Variants in PLA2G4A observed in about 807,000 individuals in gnomAD.
PLA2G4A encodes the protein cytosolic phospholipase A2.
A neutral mutation model predicts 81.9 loss-of-function variants in PLA2G4A; 40 were observed. The ratio of observed to expected loss-of-function variants is 0.49; its 90% CI spans 0.38 to 0.64. The LOEUF (loss-of-function observed/expected upper bound fraction) is 0.64. PLA2G4A is among the 30% of genes least tolerant of loss of function. PLA2G4A has a pLI of 0.00. For synonymous variants in PLA2G4A, 302 were observed against 296.9 expected, an observed-to-expected ratio of 1.02 and a Z score of -0.18; for missense variants, 715 against 905.1, an observed-to-expected ratio of 0.79 and a Z score of 2.69.
intron 7 of PLA2G4A, among the ~76,000 whole-genome samples, chr1:186,926,733 GT>G (rs1296630221): frequency 6.6e-6 from 1 of 152,150 alleles, no homozygotes; most frequent in African/African-American, 2.4e-5. Flanking sequence ...TGGGAACATT[GT>G]TTTACCTTTG....
intron 14 of PLA2G4A, among the ~76,000 whole-genome samples, chr1:186,958,924 C>A (rs6671076): frequency 0.96 from 145,898 of 152,276 alleles, 69,936 homozygotes; most frequent in East Asian, 1. Context: ...ATTTATATAT[C>A]ATTCTTGCAG....
At chr1:186,962,834 A>G (rs2102271911) in intron 14 of PLA2G4A, among the ~76,000 whole-genome samples, 1 of 151,818 alleles carries the variant, frequency 6.6e-6, no homozygotes, top group African/African-American at 2.4e-5. Context: ...TTGTGTTATT[A>G]TTTTTTATAC....
At chr1:186,945,712 CAAG>C (rs1293409254) in intron 10 of PLA2G4A, among the ~76,000 whole-genome samples, 1 of 152,176 alleles carries the variant, frequency 6.6e-6, no homozygotes, top group Admixed American at 6.5e-5. Context: ...CATTTACCAA[CAAG>C]AAGAAGAATG....
At chr1:186,894,793 T>C (rs1313390666) in intron 5 of PLA2G4A, among the ~76,000 whole-genome samples, 1 of 152,222 alleles carries the variant, frequency 6.6e-6, no homozygotes, top group East Asian at 1.9e-4. Flanking sequence ...TGATAGTTTA[T>C]TTTGGAATAA....
Position 186,915,511 on chromosome 1 carries a change from A to ATTT in PLA2G4A, c.558+4122_558+4123insTTT, listed in dbSNP as rs1655105622. 5.9e-5 allele frequency among the ~76,000 whole-genome samples: 9 copies of ATTT among 152,256 alleles called. No homozygotes were observed. The South Asian group carries it at 1.9e-3, about 32-fold the overall frequency. On this transcript the variant is annotated intron_variant, in intron 7 of 17. Transcript: ENST00000367466. ...ATTCATTATCTTTCTAATTTTTTAT[A>ATTT]GCTATGCTTCTCTTTTCACGGAAAG...
At chr1:186,915,340 T>C (rs1286018652) in intron 7 of PLA2G4A, among the ~76,000 whole-genome samples, 1 of 152,160 alleles carries the variant, frequency 6.6e-6, no homozygotes, top group Non-Finnish European at 1.5e-5. Context: ...TAGTCAAGGC[T>C]CTGCCGGTTT....
chr1:186,895,916 A>G (rs141718341), intron 5 of PLA2G4A, among the ~76,000 whole-genome samples: 237 of 152,250 alleles, frequency 1.6e-3, no homozygotes, highest in African/African-American at 5.5e-3. Flanking sequence ...TAAAATGGAA[A>G]TAATATTTTC....
intron 3 of PLA2G4A, among the ~76,000 whole-genome samples, chr1:186,891,310 T>A (rs1654129524): frequency 6.6e-6 from 1 of 152,200 alleles, no homozygotes; most frequent in Non-Finnish European, 1.5e-5. Flanking sequence ...AATAATCCAA[T>A]TACACTCTTT....
At chr1:186,961,555 A>G (rs1656947035) in intron 14 of PLA2G4A, among the ~76,000 whole-genome samples, 1 of 152,214 alleles carries the variant, frequency 6.6e-6, no homozygotes, top group African/African-American at 2.4e-5. Context: ...GAAGGTGGAA[A>G]CAATGGTGTT....
chr1:186,894,263 T>G, intron 5 of PLA2G4A, 52 bp downstream of exon 5: 2 of 793,222 alleles, frequency 2.5e-6, no homozygotes, highest in Non-Finnish European at 4.6e-6. Flanking sequence ...TAAAGTCTAT[T>G]GATTCTGGGA....
intron 10 of PLA2G4A, among the ~76,000 whole-genome samples, chr1:186,943,263 A>G (rs1241116929): frequency 6.6e-6 from 1 of 152,192 alleles, no homozygotes; most frequent in East Asian, 1.9e-4. Flanking sequence ...ACAAATAAAC[A>G]TTGGTGTTTA....
intron 5 of PLA2G4A, among the ~76,000 whole-genome samples, chr1:186,906,376 G>A (rs1327989763): frequency 6.6e-6 from 1 of 152,160 alleles, no homozygotes; most frequent in Non-Finnish European, 1.5e-5. Context: ...GGCTCAAATA[G>A]TGTTGAAATA....
intron 8 of PLA2G4A, among the ~76,000 whole-genome samples, chr1:186,933,493 A>G (rs757785837): frequency 5.3e-5 from 8 of 152,140 alleles, no homozygotes; most frequent in Non-Finnish European, 8.8e-5. Flanking sequence ...GGTTTTCACA[A>G]ATATATTTAT....
At chr1:186,918,129 T>C (rs1196433213) in intron 7 of PLA2G4A, among the ~76,000 whole-genome samples, 1 of 152,186 alleles carries the variant, frequency 6.6e-6, no homozygotes, top group Non-Finnish European at 1.5e-5. Flanking sequence ...AATAGGTATG[T>C]ACCAGGTCAG....
intron 1 of PLA2G4A, among the ~76,000 whole-genome samples, chr1:186,845,021 C>A (rs926884486): frequency 6.6e-6 from 1 of 152,046 alleles, no homozygotes; most frequent in African/African-American, 2.4e-5. Flanking sequence ...ATCAGCCTGG[C>A]CAACATGGTG....
intron 3 of PLA2G4A, among the ~76,000 whole-genome samples, chr1:186,885,179 A>G (rs1004270704): frequency 6.6e-6 from 1 of 152,186 alleles, no homozygotes; most frequent in African/African-American, 2.4e-5. Context: ...ATCACGAGGC[A>G]CTAGCCAAAT....
At chr1:186,923,942 A>G (rs775606235) in intron 7 of PLA2G4A, among the ~76,000 whole-genome samples, 5 of 152,190 alleles carry the variant, frequency 3.3e-5, no homozygotes. Flanking sequence ...GGAGATGACA[A>G]ATCCTTCATT....
At chr1:186,924,347 T>C (rs1655469247) in intron 7 of PLA2G4A, among the ~76,000 whole-genome samples, 1 of 152,242 alleles carries the variant, frequency 6.6e-6, no homozygotes, top group Non-Finnish European at 1.5e-5. Context: ...CCAGTGCTAA[T>C]AAATGCACAG....
intron 7 of PLA2G4A, among the ~76,000 whole-genome samples, chr1:186,929,652 A>G (rs1293737265): frequency 1.3e-5 from 2 of 152,224 alleles, no homozygotes; most frequent in Admixed American, 6.5e-5. Flanking sequence ...AGTAGAGCAT[A>G]GTGAAATAAT....
Sources: allele counts gnomAD v4.1 joint callset (sites outside exome capture counted in the v4.1 genomes callset), GRCh38; gene constraint gnomAD v4.1.1; transcripts MANE v1.5; gene names NCBI Gene and HGNC (gene_info 2026-07-23, HGNC 2026-07-21).